Variants in CPS1 observed in about 807,000 individuals in gnomAD.
The protein encoded by CPS1 is carbamoyl-phosphate synthase 1.
Under a neutral mutation model 174.6 loss-of-function variants are expected in CPS1, and 109 were observed. The observed-to-expected ratio is 0.62, with a 90% CI of 0.53 to 0.73. CPS1 has a LOEUF of 0.73. CPS1 is among the 30% of genes least tolerant of loss of function. CPS1 has a pLI of 0.00. For missense variants in CPS1, 1,689 were observed against 1,821.9 expected, an observed-to-expected ratio of 0.93 and a Z score of 1.33; for synonymous variants, 637 against 632.0, an observed-to-expected ratio of 1.01 and a Z score of -0.12.
chr2:210,503,400 C>T (rs745482662), intron 1 of CPS1, among the ~76,000 whole-genome samples: 2 of 152,276 alleles, frequency 1.3e-5, no homozygotes, highest in East Asian at 1.9e-4. Context: ...AACGTTCTAT[C>T]GTCTGAAGGG....
rs771770670 is a variant in CPS1, at chr2:210,637,803, A to T, written c.2789A>T (p.Glu930Val). 3.7e-6 allele frequency: 6 copies of T among 1,613,882 alleles called. No homozygotes were observed. Among genetic ancestry groups the T allele is most frequent in the South Asian group, 2.2e-5 (2 of 91,084 alleles). Residue 930 changes from glutamate (E) to valine (V), a missense_variant, in exon 22 of 38, where the codon GAG (glutamate) becomes GTG (valine). By Grantham distance (121) the Glu-to-Val change is moderately radical. Transcript: ENST00000233072. Reference protein sequence around the residue: ...CLGLTEAQTRELRLKKNIHPW... With the variant: ...CLGLTEAQTRVLRLKKNIHPW... Reference sequence around the variant, plus strand: ...GGGCTCACTGAGGCCCAGACAAGGGAGCTGAGGTTAAAGAAAAACATCCAC... The same window carrying T: ...GGGCTCACTGAGGCCCAGACAAGGGTGCTGAGGTTAAAGAAAAACATCCAC...
chr2:210,500,374 A>G (rs1188366581), intron 1 of CPS1, among the ~76,000 whole-genome samples: 2 of 152,148 alleles, frequency 1.3e-5, no homozygotes, highest in African/African-American at 4.8e-5. Context: ...CCCAAAAGTC[A>G]AAGTCCAAAG....
intron 19 of CPS1, among the ~76,000 whole-genome samples, chr2:210,610,539 A>G (rs1304894935): frequency 6.6e-6 from 1 of 151,980 alleles, no homozygotes; most frequent in African/African-American, 2.4e-5. Flanking sequence ...TAGTACTTAT[A>G]TATAGATGCT....
At chr2:210,543,813 A>G (rs1014002971) in intron 1 of CPS1, among the ~76,000 whole-genome samples, 1 of 152,130 alleles carries the variant, frequency 6.6e-6, no homozygotes, top group African/African-American at 2.4e-5. Flanking sequence ...AAGATACTCA[A>G]CTTGTTGAAT....
chr2:210,564,163 C>T (rs761522108), intron 1 of CPS1, among the ~76,000 whole-genome samples: 2 of 152,116 alleles, frequency 1.3e-5, no homozygotes, highest in African/African-American at 2.4e-5. Flanking sequence ...CTTGTAACAT[C>T]ATTAGAACAT....
At chr2:210,561,618 A>T (rs1697103807) in intron 1 of CPS1, among the ~76,000 whole-genome samples, 1 of 152,074 alleles carries the variant, frequency 6.6e-6, no homozygotes, top group Non-Finnish European at 1.5e-5. Flanking sequence ...CTTCAGGAGG[A>T]GTTTGGTATG....
At chr2:210,497,425 T>C (rs1306894682) in intron 1 of CPS1, among the ~76,000 whole-genome samples, 1 of 152,048 alleles carries the variant, frequency 6.6e-6, no homozygotes, top group African/African-American at 2.4e-5. Context: ...GATTTGGGGG[T>C]AATGAGCAGG....
intron 1 of CPS1, among the ~76,000 whole-genome samples, chr2:210,482,845 C>T (rs766214128): frequency 2.6e-5 from 4 of 152,160 alleles, no homozygotes; most frequent in Non-Finnish European, 4.4e-5. Flanking sequence ...CTTTTCACTG[C>T]AGCCTAACCC....
At chr2:210,657,570 A>C (rs935973268) in intron 30 of CPS1, 3 of 152,576 alleles carry the variant, frequency 2.0e-5, no homozygotes, top group African/African-American at 7.2e-5. Flanking sequence ...GGCCTCCCAA[A>C]GTGCTGGGAT....
intron 32 of CPS1, 66 bp downstream of exon 32, chr2:210,660,721 A>G (rs551711188): frequency 8.8e-5 from 131 of 1,484,230 alleles, no homozygotes; most frequent in South Asian, 7.2e-4. Flanking sequence ...ACAATTTGTC[A>G]TCAAAAATCT....
chr2:210,554,087 G>A (rs186013867), upstream of CPS1, among the ~76,000 whole-genome samples: 1,405 of 143,150 alleles, frequency 9.8e-3, 25 homozygotes, highest in African/African-American at 0.034. Flanking sequence ...ACATACATAT[G>A]TATATGTATG....
At chr2:210,499,417 G>T (rs1163532629) in intron 1 of CPS1, among the ~76,000 whole-genome samples, 2 of 152,056 alleles carry the variant, frequency 1.3e-5, no homozygotes, top group Non-Finnish European at 2.9e-5. Context: ...CTGTGACAGG[G>T]GAGAGCACAA....
intron 32 of CPS1, among the ~76,000 whole-genome samples, chr2:210,661,255 TA>T (rs2105923913): frequency 6.6e-6 from 1 of 152,304 alleles, no homozygotes; most frequent in South Asian, 2.1e-4. Context: ...AATACCTTAA[TA>T]ATAAAGCCAT....
chr2:210,581,047 A>G (rs567654751), intron 5 of CPS1, among the ~76,000 whole-genome samples: 1 of 152,224 alleles, frequency 6.6e-6, no homozygotes, highest in South Asian at 2.1e-4. Context: ...AGTTTATGCC[A>G]TCATTCTATC....
At chr2:210,495,491 G>A (rs560204337) in intron 1 of CPS1, among the ~76,000 whole-genome samples, 11 of 152,156 alleles carry the variant, frequency 7.2e-5, no homozygotes, top group South Asian at 6.2e-4. Flanking sequence ...ACAAAATATC[G>A]GAAGTTTAAA....
intron 17 of CPS1, 99 bp downstream of exon 17, chr2:210,605,345 T>C: frequency 7.7e-7 from 1 of 1,291,504 alleles, no homozygotes; most frequent in Non-Finnish European, 1.1e-6. Flanking sequence ...AATTACTATT[T>C]CTAGTTGACA....
At chr2:210,545,891 G>A (rs766858728) in intron 1 of CPS1, among the ~76,000 whole-genome samples, 2 of 152,070 alleles carry the variant, frequency 1.3e-5, no homozygotes, top group African/African-American at 2.4e-5. Context: ...TATGAAAGAT[G>A]ACATGGAGGT....
At chr2:210,635,112 T>G (rs1700004311) in intron 21 of CPS1, among the ~76,000 whole-genome samples, 1 of 152,078 alleles carries the variant, frequency 6.6e-6, no homozygotes, top group Non-Finnish European at 1.5e-5. Context: ...CCCAGCTAGC[T>G]TTTTGTATTT....
At chr2:210,564,963 C>G (rs1289981876) in intron 1 of CPS1, among the ~76,000 whole-genome samples, 1 of 151,106 alleles carries the variant, frequency 6.6e-6, no homozygotes, top group Non-Finnish European at 1.5e-5. Context: ...CCACTGCACT[C>G]CAGCTTGGTC....
Sources: gnomAD v4.1 joint callset for allele counts (sites outside exome capture counted in the v4.1 genomes callset) on GRCh38, gnomAD v4.1.1 for gene constraint, MANE v1.5 for transcripts, NCBI Gene and HGNC (gene_info 2026-07-23, HGNC 2026-07-21) for gene names.